Variants in SLCO6A1 observed in about 807,000 individuals in gnomAD.
The protein encoded by SLCO6A1 is cancer/testis antigen 48.
SLCO6A1 carries 65 observed loss-of-function variants against 72.7 expected under a neutral mutation model. The ratio of observed to expected loss-of-function variants is 0.89; its 90% CI spans 0.73 to 1.10. The LOEUF is 1.10. Ranked by LOEUF, SLCO6A1 falls within the 50% of genes least tolerant of loss-of-function variation. The pLI is 0.00. For synonymous variants in SLCO6A1, 314 were observed against 298.2 expected, an observed-to-expected ratio of 1.05 and a Z score of -0.55; for missense variants, 874 against 872.6, an observed-to-expected ratio of 1.00 and a Z score of -0.02.
chr5:102,375,353 C>A (rs1745722906), intron 12 of SLCO6A1, among the ~76,000 whole-genome samples: 1 of 152,140 alleles, frequency 6.6e-6, no homozygotes, highest in Admixed American at 6.6e-5. Context: ...ACTAAAGCTG[C>A]AAACTAGCCA....
At chr5:102,421,500 C>T (rs1020117569) in intron 7 of SLCO6A1, among the ~76,000 whole-genome samples, 2 of 152,078 alleles carry the variant, frequency 1.3e-5, no homozygotes, top group South Asian at 2.1e-4. Context: ...TAAACAAAGC[C>T]GATGGGAAGT....
At chr5:102,472,069 A>C (rs1751656546) in intron 4 of SLCO6A1, among the ~76,000 whole-genome samples, 1 of 152,100 alleles carries the variant, frequency 6.6e-6, no homozygotes, top group South Asian at 2.1e-4. Flanking sequence ...AATGACTCTC[A>C]GTGGCAAAAC....
chr5:102,445,327 T>A (rs1750050098), intron 6 of SLCO6A1, among the ~76,000 whole-genome samples: 1 of 152,218 alleles, frequency 6.6e-6, no homozygotes, highest in Non-Finnish European at 1.5e-5. Flanking sequence ...TGAGTGACAC[T>A]GAGCATTTTT....
chr5:102,378,065 A>G (rs915730908), intron 12 of SLCO6A1, among the ~76,000 whole-genome samples: 4 of 151,864 alleles, frequency 2.6e-5, no homozygotes, highest in Admixed American at 2.0e-4. Context: ...AATTTTTATT[A>G]TACAATATAT....
intron 7 of SLCO6A1, 56 bp from the exon 8 acceptor site, chr5:102,420,077 A>G: frequency 1.5e-6 from 2 of 1,341,372 alleles, no homozygotes; most frequent in Non-Finnish European, 2.0e-6. Flanking sequence ...TAGTACAGAT[A>G]ATACATACAT....
At chr5:102,491,127 A>G (rs1752657118) in intron 1 of SLCO6A1, among the ~76,000 whole-genome samples, 1 of 152,146 alleles carries the variant, frequency 6.6e-6, no homozygotes, top group East Asian at 1.9e-4. Flanking sequence ...AAGGTTCTCC[A>G]AGTCCCCACA....
At chr5:102,498,425 C>T (rs1753007044) in intron 1 of SLCO6A1, 62 bp downstream of exon 1, 3 of 1,500,918 alleles carry the variant, frequency 2.0e-6, no homozygotes, top group Non-Finnish European at 2.7e-6. Context: ...ACTCCCTCTC[C>T]CGCCTCCGCC....
intron 7 of SLCO6A1, 67 bp from the exon 8 acceptor site, chr5:102,420,088 T>G: frequency 7.9e-7 from 1 of 1,264,790 alleles, no homozygotes; most frequent in East Asian, 2.6e-5. Context: ...ATACATACAT[T>G]GATACAATTT....
At chr5:102,383,702 T>C (rs1355251917) in intron 12 of SLCO6A1, among the ~76,000 whole-genome samples, 1 of 151,886 alleles carries the variant, frequency 6.6e-6, no homozygotes, top group Non-Finnish European at 1.5e-5. Context: ...AGGGTAATTC[T>C]GGTCTCATAA....
rs868623182 is a variant in SLCO6A1 at position 102,374,537 on chromosome 5, G to A, written c.2018-1043C>T. Among the ~76,000 whole-genome samples the A allele has an allele frequency of 5.3e-5, 8 of 152,128 alleles. 1 individual carries two copies. Among genetic ancestry groups the A allele is most frequent in the Middle Eastern group, 6.8e-3 (2 of 294 alleles). ...ACTCCTGGCCTCAAGTGATCATCTC[G>A]CCTTGGCCTCTCTAAGTGTAAAATA... On this transcript the variant is annotated intron_variant, in intron 12 of 13. Coordinates refer to ENST00000506729, the MANE Select transcript of SLCO6A1 (RefSeq NM_173488.5).
chr5:102,412,937 A>G, intron 9 of SLCO6A1, 53 bp downstream of exon 9: 1 of 775,596 alleles, frequency 1.3e-6, no homozygotes, highest in South Asian at 5.2e-5. Context: ...TAATTATAAT[A>G]TAATGAAAAT....
In SLCO6A1 at chr5:102,450,006, T is replaced by C. The variant is rs531859639; in HGVS notation, c.1131+8376A>G. On this transcript the variant is annotated intron_variant, in intron 6 of 13. Coordinates refer to ENST00000506729, the MANE Select transcript of SLCO6A1 (RefSeq NM_173488.5). ...ATCTAGATTTGGTTCTTTCTTAAAA[T>C]GGCTACTTAAGCTTTCATCACTTTC... Among the ~76,000 whole-genome samples the C allele has an allele frequency of 7.2e-5, 11 of 152,336 alleles. No individual in the cohort carries two copies. In the South Asian group the frequency reaches 1.7e-3, roughly 23 times the overall value.
intron 6 of SLCO6A1, among the ~76,000 whole-genome samples, chr5:102,447,182 G>T (rs1750160140): frequency 6.6e-6 from 1 of 152,234 alleles, no homozygotes. Flanking sequence ...ATTTGTGTAT[G>T]TTGAACCAAC....
chr5:102,455,598 GTTCTC>G (rs1420020159), intron 6 of SLCO6A1, among the ~76,000 whole-genome samples: 1 of 152,008 alleles, frequency 6.6e-6, no homozygotes, highest in Non-Finnish European at 1.5e-5. Context: ...AACTTCTAGA[GTTCTC>G]TTCTGAGTTA....
intron 12 of SLCO6A1, among the ~76,000 whole-genome samples, chr5:102,382,231 G>T (rs185493716): frequency 7.3e-4 from 110 of 151,522 alleles, no homozygotes; most frequent in Admixed American, 7.2e-3. Flanking sequence ...TTTTCTCTGT[G>T]CCATTTATTG....
At chr5:102,428,053 G>A (rs558353705) in intron 7 of SLCO6A1, among the ~76,000 whole-genome samples, 2 of 150,754 alleles carry the variant, frequency 1.3e-5, no homozygotes, top group Non-Finnish European at 3.0e-5. Flanking sequence ...TGTATTTTTA[G>A]TAGAGACCGG....
intron 6 of SLCO6A1, among the ~76,000 whole-genome samples, chr5:102,447,852 T>C (rs1750201294): frequency 6.6e-6 from 1 of 152,150 alleles, no homozygotes; most frequent in South Asian, 2.1e-4. Flanking sequence ...CTTTTTATGG[T>C]TTTTCTCATC....
intron 1 of SLCO6A1, among the ~76,000 whole-genome samples, chr5:102,484,311 T>G (rs538891413): frequency 4.3e-4 from 65 of 152,274 alleles, no homozygotes; most frequent in South Asian, 1.2e-3. Context: ...TTTGTTTTGT[T>G]TTGTTTCTCC....
Position 102,498,905 on chromosome 5 carries a change from T to C in SLCO6A1, c.-61A>G. 6.7e-7 allele frequency: 1 copy of C among 1,483,726 alleles called. No homozygotes were observed. Among genetic ancestry groups the C allele is most frequent in the East Asian group, 2.3e-5 (1 of 43,978 alleles). The allele number at this position is 1,483,726 out of a possible 1,614,324, so 91.9% of individuals were successfully genotyped here. A position where few individuals can be genotyped will look rare whatever the true frequency, so the allele number is the denominator to read the frequency against. On this transcript the variant is annotated 5_prime_UTR_variant, in exon 1 of 14. Transcript: ENST00000506729. Reference sequence around the variant, plus strand: ...AGTGCTCTCGGCTGCCCGTCCTGCCTGGGCCAACCCAAAGGCCAGCCTGGC... The same window carrying C: ...AGTGCTCTCGGCTGCCCGTCCTGCCCGGGCCAACCCAAAGGCCAGCCTGGC...
Sources: gnomAD v4.1 joint callset for allele counts (sites outside exome capture counted in the v4.1 genomes callset) on GRCh38, gnomAD v4.1.1 for gene constraint, MANE v1.5 for transcripts, NCBI Gene and HGNC (gene_info 2026-07-23, HGNC 2026-07-21) for gene names.